Variants in ETS1 observed in about 807,000 individuals in gnomAD.
ETS1 encodes protein C-ets-1.
ETS1 carries 15 observed loss-of-function variants against 58.6 expected under a neutral mutation model. The ratio of observed to expected loss-of-function variants is 0.26; its 90% confidence interval spans 0.17 to 0.39. The LOEUF is 0.39. Ranked by LOEUF, ETS1 falls within the 10% of genes least tolerant of loss-of-function variation. The probability of loss-of-function intolerance (pLI) is 1.00; values close to 1 mark genes in which losing one functional copy is unlikely to be tolerated. For synonymous variants in ETS1, 214 were observed against 218.2 expected (o/e 0.98, Z 0.17); for missense variants, 417 against 610.5 (o/e 0.68, Z 3.34).
intron 1 of ETS1, among the ~76,000 whole-genome samples, chr11:128,582,017 T>A (rs561627926): frequency 2.0e-5 from 3 of 152,328 alleles, no homozygotes; most frequent in East Asian, 3.9e-4. Flanking sequence ...TGGAGTTTCA[T>A]TTGTTTTATT....
At chr11:128,563,962 A>T (rs1206995377) in intron 2 of ETS1, among the ~76,000 whole-genome samples, 1 of 152,166 alleles carries the variant, frequency 6.6e-6, no homozygotes, top group East Asian at 1.9e-4. Context: ...CACTTCTGAT[A>T]AAGTCTGGAC....
chr11:128,556,113 G>A (rs1487959546), intron 3 of ETS1, among the ~76,000 whole-genome samples, 178 bp downstream of exon 3: 1 of 152,214 alleles, frequency 6.6e-6, no homozygotes, highest in Non-Finnish European at 1.5e-5. Flanking sequence ...TAGACTTCCT[G>A]TCGGGGAATA....
intron 2 of ETS1, chr11:128,572,296 C>T (rs1006811319): frequency 6.6e-6 from 1 of 150,936 alleles, no homozygotes; most frequent in African/African-American, 2.4e-5. Flanking sequence ...ATAAAATAAA[C>T]TTATCTGTCC....
intron 2 of ETS1, among the ~76,000 whole-genome samples, chr11:128,565,317 G>A (rs139303051): frequency 3.9e-5 from 6 of 152,318 alleles, no homozygotes; most frequent in East Asian, 3.9e-4. Flanking sequence ...GTCCATCTTG[G>A]AAGCTGAGAC....
chr11:128,477,149 T>C (rs1337900456), intron 8 of ETS1, among the ~76,000 whole-genome samples: 1 of 152,228 alleles, frequency 6.6e-6, no homozygotes, highest in East Asian at 1.9e-4. Context: ...GGCAGGGAGA[T>C]GGATTCTCTT....
At chr11:128,479,241 C>T (rs763751062) in intron 8 of ETS1, among the ~76,000 whole-genome samples, 46 of 152,172 alleles carry the variant, frequency 3.0e-4, no homozygotes, top group Non-Finnish European at 5.7e-4. Flanking sequence ...TTGTCATCAT[C>T]CACACAAAGG....
intron 3 of ETS1, among the ~76,000 whole-genome samples, chr11:128,506,689 G>A (rs1863245370): frequency 6.6e-6 from 1 of 152,096 alleles, no homozygotes. Flanking sequence ...AGCCACCTCC[G>A]CCACCTGGAA....
chr11:128,533,678 C>T (rs1264752029), intron 3 of ETS1, among the ~76,000 whole-genome samples: 1 of 152,216 alleles, frequency 6.6e-6, no homozygotes, highest in African/African-American at 2.4e-5. Flanking sequence ...TCACCTCCCC[C>T]ATGGTTTCCA....
chr11:128,562,605 C>T (rs1002669120), intron 2 of ETS1, among the ~76,000 whole-genome samples: 6 of 152,144 alleles, frequency 3.9e-5, no homozygotes, highest in African/African-American at 1.4e-4. Flanking sequence ...CTGAATGCTC[C>T]ACCCATCTAA....
chr11:128,550,149 G>A (rs1864206806), intron 3 of ETS1, among the ~76,000 whole-genome samples: 2 of 152,252 alleles, frequency 1.3e-5, no homozygotes, highest in Admixed American at 6.5e-5. Flanking sequence ...CAAGGCCGAA[G>A]GCCTGTACCG....
intron 3 of ETS1, among the ~76,000 whole-genome samples, chr11:128,548,399 G>A (rs2135549631): frequency 6.6e-6 from 1 of 151,980 alleles, no homozygotes; most frequent in Admixed American, 6.6e-5. Flanking sequence ...TACAAATGAG[G>A]AAACTGAGGC....
intron 2 of ETS1, among the ~76,000 whole-genome samples, chr11:128,569,011 C>T (rs1190747773): frequency 6.6e-6 from 1 of 152,206 alleles, no homozygotes; most frequent in Non-Finnish European, 1.5e-5. Context: ...TACACACAGT[C>T]CCATTCTGCT....
chr11:128,533,056 C>T (rs991146225), intron 3 of ETS1, among the ~76,000 whole-genome samples: 2 of 152,198 alleles, frequency 1.3e-5, no homozygotes, highest in Non-Finnish European at 1.5e-5. Context: ...CCGCTCCCAT[C>T]GCCAATTAGC....
chr11:128,567,430 T>C (rs1218362749), intron 2 of ETS1, among the ~76,000 whole-genome samples: 1 of 152,246 alleles, frequency 6.6e-6, no homozygotes, highest in African/African-American at 2.4e-5. Context: ...GTCTAATAAA[T>C]GGGATCCAAT....
At chr11:128,517,021 G>A (rs949759941) in intron 3 of ETS1, among the ~76,000 whole-genome samples, 2 of 152,150 alleles carry the variant, frequency 1.3e-5, no homozygotes, top group Non-Finnish European at 2.9e-5. Flanking sequence ...GGAAGACGTT[G>A]CAAAAACAAG....
rs1565405277 is a variant in ETS1 at position 128,548,152 on chromosome 11, G to GAAGGGAAGGGAAGGGAAGGGAAGGA, written c.214+8138_214+8139insTCCTTCCCTTCCCTTCCCTTCCCTT. On this transcript the variant is annotated intron_variant, in intron 3 of 9. Coordinates refer to ENST00000392668, the MANE Select transcript of ETS1 (RefSeq NM_001143820.2). ...AAAGGAAAGGGAAGGGAAGGGAAGGGAAGGAAAGGAAAAAGAAGAGAGAGA... is the reference window on the plus strand; with the variant it reads ...AAAGGAAAGGGAAGGGAAGGGAAGGGAAGGGAAGGGAAGGGAAGGGAAGGAAAGGAAAGGAAAAAGAAGAGAGAGA... 1.1e-3 allele frequency among the ~76,000 whole-genome samples: 107 copies of GAAGGGAAGGGAAGGGAAGGGAAGGA among 95,808 alleles called. 1 individual carries two copies. The highest frequency in any genetic ancestry group is 4.5e-3 in the African/African-American group (84 of 18,536). The allele number at this position is 95,808 out of a possible 152,430, so 62.9% of individuals were successfully genotyped here.
chr11:128,534,376 A>G (rs1863942187), intron 3 of ETS1, among the ~76,000 whole-genome samples: 2 of 152,246 alleles, frequency 1.3e-5, no homozygotes, highest in African/African-American at 4.8e-5. Context: ...AAATGCTCAT[A>G]GACCTCAAAA....
At chr11:128,535,593 T>C (rs776725555) in intron 3 of ETS1, among the ~76,000 whole-genome samples, 1 of 152,216 alleles carries the variant, frequency 6.6e-6, no homozygotes, top group Non-Finnish European at 1.5e-5. Context: ...TTTTGAACTC[T>C]GCCAAATCCC....
intron 5 of ETS1, among the ~76,000 whole-genome samples, 198 bp from the exon 6 acceptor site, chr11:128,486,344 G>A (rs1329991553): frequency 6.6e-6 from 1 of 152,156 alleles, no homozygotes; most frequent in African/African-American, 2.4e-5. Context: ...TATGACTAAG[G>A]TTATTATTTC....
Sources: allele counts gnomAD v4.1 joint callset (sites outside exome capture counted in the v4.1 genomes callset), GRCh38; gene constraint gnomAD v4.1.1; transcripts MANE v1.5; gene names NCBI Gene and HGNC (gene_info 2026-07-23, HGNC 2026-07-21).